The following HFM1 variants were observed in gnomAD, a reference collection of about 807,000 sequenced individuals.
The protein encoded by HFM1 is probable ATP-dependent DNA helicase HFM1.
In HFM1, 169 loss-of-function variants were observed where a neutral mutation model predicts 192.1. The observed-to-expected ratio is 0.88, with a 90% confidence interval of 0.78 to 1.00. The LOEUF is 1.00. Ranked by LOEUF, HFM1 falls within the 50% of genes least tolerant of loss-of-function variation. The probability of loss-of-function intolerance (pLI) is 0.00; values close to 1 mark genes in which losing one functional copy is unlikely to be tolerated. For missense variants in HFM1, 1,661 were observed against 1,668.0 expected (o/e 1.00, Z 0.07); for synonymous variants, 525 against 537.8 (o/e 0.98, Z 0.33).
At chr1:91,288,336 A>G (rs1303915894) in intron 30 of HFM1, among the ~76,000 whole-genome samples, 1 of 151,610 alleles carries the variant, frequency 6.6e-6, no homozygotes, top group East Asian at 1.9e-4. Context: ...TCTACAAGCC[A>G]GAAGAGAGTG....
intron 34 of HFM1, among the ~76,000 whole-genome samples, chr1:91,272,961 A>G (rs1666457494): frequency 6.6e-6 from 1 of 152,030 alleles, no homozygotes. Context: ...ATTTCTACAT[A>G]CAGCCACTTG....
rs1014307528 is a variant in HFM1 at position 91,273,212 on chromosome 1, G to T, written c.3772+500C>A. 2.4e-4 allele frequency among the ~76,000 whole-genome samples: 36 copies of T among 151,908 alleles called. 1 individual carries two copies. The highest frequency in any genetic ancestry group is 8.7e-4 in the African/African-American group (36 of 41,384). On this transcript the variant is annotated intron_variant, in intron 34 of 38. Transcript: ENST00000370425. ...TATTTTCTCATACTAACATAGAATT[G>T]TAAGAATCATAGGTTTAAGAATTGG...
intron 30 of HFM1, among the ~76,000 whole-genome samples, chr1:91,308,318 TA>T (rs1649945327): frequency 6.6e-6 from 1 of 152,134 alleles, no homozygotes; most frequent in Admixed American, 6.5e-5. Context: ...TTTCTACTGA[TA>T]TGTCTCAAAG....
rs565922500 is a variant in HFM1 at position 91,307,646 on chromosome 1, G to T, written c.3391+5703C>A. On this transcript the variant is annotated intron_variant, in intron 30 of 38. Coordinates refer to ENST00000370425, the MANE Select transcript of HFM1 (RefSeq NM_001017975.6). ...TTTTTTAACTTTTTGTAGAGACAGG[G>T]TTTCACCACATTGCCTAGGCTGGTC... is the stretch of plus-strand genomic sequence containing the variant. Among the ~76,000 whole-genome samples, 33 of 151,978 alleles carry T rather than the reference G, an allele frequency of 2.2e-4. 1 individual carries two copies. The South Asian group carries it at 6.7e-3, about 31-fold the overall frequency.
chr1:91,404,750 G>A (rs1664705858), intron 1 of HFM1, 48 bp downstream of exon 1: 1 of 420,686 alleles, frequency 2.4e-6, no homozygotes. Flanking sequence ...GCGGGCGTCG[G>A]GCCCCCGTCC....
chr1:91,369,182 C>G (rs529973166), intron 13 of HFM1, among the ~76,000 whole-genome samples: 1 of 152,136 alleles, frequency 6.6e-6, no homozygotes, highest in African/African-American at 2.4e-5. Context: ...CAACATTAGA[C>G]AGATCAACGA....
chr1:91,374,240 G>A (rs1371314290), intron 13 of HFM1, among the ~76,000 whole-genome samples: 1 of 151,822 alleles, frequency 6.6e-6, no homozygotes, highest in Admixed American at 6.6e-5. Flanking sequence ...GAAAAGTCTG[G>A]AGAATTGGCT....
chr1:91,354,321 A>C (rs555040555), intron 13 of HFM1, among the ~76,000 whole-genome samples: 1 of 152,080 alleles, frequency 6.6e-6, no homozygotes, highest in Admixed American at 6.6e-5. Flanking sequence ...AAAAAGAGTG[A>C]ACAAAGCCTA....
intron 4 of HFM1, among the ~76,000 whole-genome samples, chr1:91,391,203 T>TCCC (rs1662941646): frequency 6.6e-6 from 1 of 152,178 alleles, no homozygotes; most frequent in Non-Finnish European, 1.5e-5. Flanking sequence ...TTCAATGCCA[T>TCCC]CCCCATCAAG....
chr1:91,287,949 G>A (rs1668215637), intron 30 of HFM1, among the ~76,000 whole-genome samples: 1 of 152,046 alleles, frequency 6.6e-6, no homozygotes, highest in African/African-American at 2.4e-5. Context: ...GAAGCGAGAA[G>A]GGAAGTTTAG....
intron 25 of HFM1, 75 bp downstream of exon 25, chr1:91,319,003 G>C (rs1427891164): frequency 1.5e-5 from 21 of 1,400,958 alleles, no homozygotes; most frequent in Non-Finnish European, 1.9e-5. Context: ...AATCATCACA[G>C]AATAATTTTA....
chr1:91,345,180 C>G (rs1197473481), intron 19 of HFM1, among the ~76,000 whole-genome samples: 4 of 152,100 alleles, frequency 2.6e-5, no homozygotes, highest in Non-Finnish European at 5.9e-5. Context: ...TTTTGTCTTC[C>G]TCTCAGTAAG....
intron 2 of HFM1, among the ~76,000 whole-genome samples, chr1:91,399,303 A>C (rs552475843): frequency 6.6e-6 from 1 of 152,242 alleles, no homozygotes; most frequent in African/African-American, 2.4e-5. Context: ...TAGATAATAG[A>C]GAGAAACAGA....
At chr1:91,282,250 G>T (rs777520708) in intron 30 of HFM1, among the ~76,000 whole-genome samples, 5 of 151,960 alleles carry the variant, frequency 3.3e-5, no homozygotes, top group Non-Finnish European at 7.4e-5. Context: ...TCATTGAGAA[G>T]GTATTGACTT....
chr1:91,280,677 C>T (rs894239706), intron 30 of HFM1, among the ~76,000 whole-genome samples: 1 of 152,172 alleles, frequency 6.6e-6, no homozygotes, highest in Admixed American at 6.5e-5. Flanking sequence ...TTCCATTTTG[C>T]CCCTTTCAGA....
At chr1:91,351,936 T>C (rs1656987995) in intron 16 of HFM1, among the ~76,000 whole-genome samples, 1 of 151,992 alleles carries the variant, frequency 6.6e-6, no homozygotes, top group Non-Finnish European at 1.5e-5. Flanking sequence ...ATAATTTACA[T>C]ATAATCTGAT....
At chr1:91,398,347 T>C (rs980136572) in intron 2 of HFM1, among the ~76,000 whole-genome samples, 1 of 152,224 alleles carries the variant, frequency 6.6e-6, no homozygotes, top group African/African-American at 2.4e-5. Flanking sequence ...TCTAGATACA[T>C]ATTAGGTCTT....
At chr1:91,324,548 T>C in intron 21 of HFM1, 127 bp downstream of exon 21, 1 of 605,622 alleles carries the variant, frequency 1.7e-6, no homozygotes, top group South Asian at 2.1e-5. Context: ...AGAGGATATA[T>C]CTTAGAAATG....
At chr1:91,373,345 A>C (rs1017380502) in intron 13 of HFM1, among the ~76,000 whole-genome samples, 1 of 152,054 alleles carries the variant, frequency 6.6e-6, no homozygotes, top group Non-Finnish European at 1.5e-5. Flanking sequence ...GCTCATATCC[A>C]CATGTCCAAT....
Sources: gnomAD v4.1 joint callset for allele counts (sites outside exome capture counted in the v4.1 genomes callset) on GRCh38, gnomAD v4.1.1 for gene constraint, MANE v1.5 for transcripts, NCBI Gene and HGNC (gene_info 2026-07-23, HGNC 2026-07-21) for gene names.